The following MDGA2 variants were observed in gnomAD, a reference collection of about 807,000 sequenced individuals.
MDGA2 encodes the protein MAM domain containing glycosylphosphatidylinositol anchor 2.
A neutral mutation model predicts 117.8 loss-of-function variants in MDGA2; 40 were observed. That is an observed-to-expected ratio of 0.34 (90% CI 0.26 to 0.44). The LOEUF is 0.44. Ranked by LOEUF, MDGA2 falls within the 20% of genes least tolerant of loss-of-function variation. MDGA2 has a pLI of 1.00. For missense variants in MDGA2, 1,123 were observed against 1,250.6 expected, an observed-to-expected ratio of 0.90 and a Z score of 1.54; for synonymous variants, 452 against 439.0, an observed-to-expected ratio of 1.03 and a Z score of -0.37.
chr14:47,157,781 A>C (rs1372002992), intron 3 of MDGA2, among the ~76,000 whole-genome samples: 2 of 152,024 alleles, frequency 1.3e-5, no homozygotes, highest in African/African-American at 2.4e-5. Context: ...CGTGATAATA[A>C]GTTCTCACAA....
At chr14:47,672,961 C>T (rs2138322274) in intron 1 of MDGA2, among the ~76,000 whole-genome samples, 1 of 152,264 alleles carries the variant, frequency 6.6e-6, no homozygotes, top group South Asian at 2.1e-4. Flanking sequence ...ACACGTCCCC[C>T]CATTACCACA....
chr14:47,031,408 T>C (rs959873812), intron 8 of MDGA2, among the ~76,000 whole-genome samples: 2 of 152,180 alleles, frequency 1.3e-5, no homozygotes, highest in Non-Finnish European at 2.9e-5. Flanking sequence ...ATCTTATTTA[T>C]TATTGCCACC....
chr14:47,318,028 T>G (rs7148783), intron 1 of MDGA2, among the ~76,000 whole-genome samples: 2 of 151,856 alleles, frequency 1.3e-5, no homozygotes, highest in African/African-American at 2.4e-5. Context: ...CATAAGAACT[T>G]GCCCTTTTAA....
intron 5 of MDGA2, among the ~76,000 whole-genome samples, chr14:47,104,321 G>C (rs372458488): frequency 2.7e-5 from 4 of 150,842 alleles, no homozygotes; most frequent in East Asian, 3.9e-4. Context: ...CTTAACTGAT[G>C]ACATTCCACC....
At chr14:47,475,004 T>C (rs889891846) in intron 1 of MDGA2, among the ~76,000 whole-genome samples, 1 of 151,186 alleles carries the variant, frequency 6.6e-6, no homozygotes, top group Non-Finnish European at 1.5e-5. Flanking sequence ...AACTAAAGAG[T>C]TCCTGCACAT....
intron 7 of MDGA2, among the ~76,000 whole-genome samples, chr14:47,043,336 G>A (rs1385192254): frequency 1.3e-5 from 2 of 152,006 alleles, no homozygotes; most frequent in Non-Finnish European, 2.9e-5. Flanking sequence ...ATACTTACTA[G>A]AAACAATTCT....
At chr14:47,609,548 T>G (rs1896810274) in intron 1 of MDGA2, among the ~76,000 whole-genome samples, 1 of 148,146 alleles carries the variant, frequency 6.8e-6, no homozygotes, top group South Asian at 2.2e-4. Flanking sequence ...GCTATAAAAA[T>G]GTGTGTGCTA....
chr14:47,082,681 G>T (rs1321973786), intron 6 of MDGA2, among the ~76,000 whole-genome samples: 1 of 151,984 alleles, frequency 6.6e-6, no homozygotes, highest in Non-Finnish European at 1.5e-5. Context: ...ATAAATGGCA[G>T]TCAGTAAAAA....
chr14:47,446,148 T>G (rs537433447), intron 1 of MDGA2, among the ~76,000 whole-genome samples: 2 of 152,278 alleles, frequency 1.3e-5, no homozygotes, highest in African/African-American at 4.8e-5. Context: ...GAGTCATCCC[T>G]GTGTGTAATT....
intron 1 of MDGA2, among the ~76,000 whole-genome samples, chr14:47,650,546 T>C (rs1566558962): frequency 6.6e-6 from 1 of 152,112 alleles, no homozygotes; most frequent in Non-Finnish European, 1.5e-5. Context: ...ATGTCTAAAT[T>C]GTCCCAGTAT....
intron 5 of MDGA2, among the ~76,000 whole-genome samples, chr14:47,099,535 C>G (rs1221264149): frequency 6.6e-6 from 1 of 151,834 alleles, no homozygotes; most frequent in African/African-American, 2.4e-5. Flanking sequence ...CATAGCTACC[C>G]CTGCCAGTTT....
intron 2 of MDGA2, among the ~76,000 whole-genome samples, chr14:47,228,967 A>T (rs1226528149): frequency 6.6e-6 from 1 of 152,130 alleles, no homozygotes; most frequent in African/African-American, 2.4e-5. Context: ...CCCAAAATTA[A>T]AGCAAATTTC....
chr14:46,893,914 T>C (rs1882978478), intron 10 of MDGA2, among the ~76,000 whole-genome samples: 1 of 151,992 alleles, frequency 6.6e-6, no homozygotes, highest in Non-Finnish European at 1.5e-5. Flanking sequence ...TTTTTTAGAC[T>C]TCTATGTATA....
chr14:47,646,381 T>C (rs2138258865), intron 1 of MDGA2, among the ~76,000 whole-genome samples: 1 of 152,082 alleles, frequency 6.6e-6, no homozygotes, highest in Admixed American at 6.6e-5. Context: ...TACATATAGA[T>C]GCATATATAT....
chr14:47,288,544 T>A (rs1054074341), intron 2 of MDGA2, among the ~76,000 whole-genome samples: 3 of 152,168 alleles, frequency 2.0e-5, no homozygotes, highest in African/African-American at 7.2e-5. Context: ...TCCAGCATCA[T>A]TTAATGATTT....
intron 1 of MDGA2, among the ~76,000 whole-genome samples, chr14:47,649,051 A>T (rs1344025796): frequency 1.3e-5 from 2 of 152,154 alleles, no homozygotes; most frequent in Non-Finnish European, 2.9e-5. Flanking sequence ...ATATCAATAC[A>T]TTTTTAAATG....
At chr14:47,510,681 C>T (rs1894620819) in intron 1 of MDGA2, among the ~76,000 whole-genome samples, 1 of 152,178 alleles carries the variant, frequency 6.6e-6, no homozygotes, top group Admixed American at 6.5e-5. Context: ...AATGGGAAGC[C>T]TTCCAGTGAT....
At chr14:46,854,899 A>G in intron 15 of MDGA2, 125 bp downstream of exon 15, 1 of 813,244 alleles carries the variant, frequency 1.2e-6, no homozygotes, top group African/African-American at 1.8e-5. Context: ...AAACCTAATC[A>G]TATAATTTTT....
chr14:46,858,428 C>CTTTTTTTTTTTTTTTTTTT (rs71112466), intron 14 of MDGA2, among the ~76,000 whole-genome samples: 1 of 123,828 alleles, frequency 8.1e-6, no homozygotes, highest in Non-Finnish European at 1.6e-5. Context: ...TTCTTTTTTT[C>CTTTTTTTTTTTTTTTTTTT]TTTTTTTTTT....
Sources: allele counts gnomAD v4.1 joint callset (sites outside exome capture counted in the v4.1 genomes callset), GRCh38; gene constraint gnomAD v4.1.1; transcripts MANE v1.5; gene names NCBI Gene and HGNC (gene_info 2026-07-23, HGNC 2026-07-21).